The following TNRC6B variants were observed in gnomAD, a reference collection of about 807,000 sequenced individuals.
The protein encoded by TNRC6B is trinucleotide repeat containing adaptor 6B.
A neutral mutation model predicts 203.6 loss-of-function variants in TNRC6B; 52 were observed. The ratio of observed to expected loss-of-function variants is 0.26; its 90% confidence interval spans 0.20 to 0.32. The LOEUF (loss-of-function observed/expected upper bound fraction) is 0.32. Among genes scored for constraint, TNRC6B ranks in the 10% least tolerant of loss-of-function variants. The pLI is 1.00. For missense variants in TNRC6B, 1,923 were observed against 2,286.2 expected, an observed-to-expected ratio of 0.84 and a Z score of 3.24; for synonymous variants, 838 against 845.7, an observed-to-expected ratio of 0.99 and a Z score of 0.16.
In TNRC6B at chr22:40,279,874, AAATAGAAATATT is replaced by A. The variant is rs1333737989; in HGVS notation, c.3263-115_3263-104del. 1.3e-4 allele frequency: 106 copies of A among 790,006 alleles called. No individual in the cohort carries two copies. The African/African-American group carries it at 1.6e-3, about 12-fold the overall frequency. 48.9% of individuals were successfully genotyped at this position (790,006 alleles called of 1,614,324 possible). A position where few individuals can be genotyped will look rare whatever the true frequency, so the allele number is the denominator to read the frequency against. ...AGAGTTTGTCTCGTCTTATCCCCAG[AAATAGAAATATT>A]AATAGCTTATACCCAGCACCCCCAT... On this transcript the variant is annotated intron_variant, in intron 9 of 22. Transcript: ENST00000454349.
At position 40,324,742 on chromosome 22, in the gene TNRC6B, T is replaced by A. The variant is rs918451427; in HGVS notation, c.*1501T>A. 2.0e-5 allele frequency: 3 copies of A among 152,698 alleles called. No individual in the cohort carries two copies. The highest frequency in any genetic ancestry group is 4.4e-5 in the Non-Finnish European group (3 of 68,044). 9.5% of individuals were successfully genotyped at this position (152,698 alleles called of 1,614,324 possible). ...CTCTGTGTTGTGTATTTCCTGTGTATGTGGTTTTGCTTAGGCAGGTATAAC... is the reference window on the plus strand; with the variant it reads ...CTCTGTGTTGTGTATTTCCTGTGTAAGTGGTTTTGCTTAGGCAGGTATAAC... On this transcript the variant is annotated 3_prime_UTR_variant, in exon 23 of 23. Coordinates refer to ENST00000454349, the MANE Select transcript of TNRC6B (RefSeq NM_001162501.2).
At chr22:40,236,653 C>A (rs1248798676) in intron 1 of TNRC6B, among the ~76,000 whole-genome samples, 2 of 152,210 alleles carry the variant, frequency 1.3e-5, no homozygotes, top group Non-Finnish European at 2.9e-5. Flanking sequence ...AGGGAAGATG[C>A]TTCTGGGAAT....
chr22:40,261,761 T>C, intron 3 of TNRC6B, 71 bp from the exon 4 acceptor site: 1 of 1,242,542 alleles, frequency 8.0e-7, no homozygotes, highest in Non-Finnish European at 1.1e-6. Context: ...ATAATAAAAT[T>C]ATTTTTAAAA....
chr22:40,106,237 C>CTTT (rs201593383), intron 1 of TNRC6B: 7 of 157,028 alleles, frequency 4.5e-5, no homozygotes, highest in Non-Finnish European at 7.1e-5. Context: ...TCGAGGTTGT[C>CTTT]TTTTTTTTTT....
At chr22:40,190,474 C>A (rs1291622495) in intron 1 of TNRC6B, among the ~76,000 whole-genome samples, 1 of 152,172 alleles carries the variant, frequency 6.6e-6, no homozygotes, top group Non-Finnish European at 1.5e-5. Context: ...TGAAAATGGC[C>A]ATGGCAGATT....
chr22:40,125,062 A>G (rs1158003908), intron 2 of TNRC6B, among the ~76,000 whole-genome samples: 3 of 152,178 alleles, frequency 2.0e-5, no homozygotes, highest in Admixed American at 2.0e-4. Context: ...TGAATTCTTG[A>G]AAATGTTGCA....
rs117777595 is a variant in TNRC6B at position 40,228,996 on chromosome 22, T to A, written c.6-17019T>A. On this transcript the variant is annotated intron_variant, in intron 1 of 22. Transcript: ENST00000454349. ...ATTCACTAAATCTTACATTAAGACC[T>A]AAGGTGTCCTTTGAACCTAAGGTGT... Among the ~76,000 whole-genome samples, 1,058 of 152,282 alleles carry A rather than the reference T, an allele frequency of 6.9e-3. 4 individuals carry two copies. Among genetic ancestry groups the A allele is most frequent in the Non-Finnish European group, 0.011 (722 of 68,026 alleles).
chr22:40,165,957 T>C (rs2146362608), intron 4 of TNRC6B, among the ~76,000 whole-genome samples: 1 of 123,060 alleles, frequency 8.1e-6, no homozygotes, highest in South Asian at 2.3e-4. Context: ...AGTTATTGGG[T>C]GGTTTTTTTT....
intron 3 of TNRC6B, among the ~76,000 whole-genome samples, chr22:40,128,480 A>G (rs2068513218): frequency 6.6e-6 from 1 of 151,880 alleles, no homozygotes; most frequent in South Asian, 2.1e-4. Context: ...TTTTTGTTCA[A>G]TATATTTTTT....
At chr22:40,163,627 G>T (rs1273196843) in intron 4 of TNRC6B, among the ~76,000 whole-genome samples, 2 of 151,712 alleles carry the variant, frequency 1.3e-5, no homozygotes, top group Non-Finnish European at 2.9e-5. Flanking sequence ...CAGGTGTGGT[G>T]GCGCATGCCT....
In TNRC6B at chr22:40,088,584, T is replaced by TGTGTGTGTGTG. The variant is rs2068120522; in HGVS notation, c.-120-28471_-120-28470insGTGTGTGTGTG. On this transcript the variant is annotated intron_variant, in intron 1 of 23. Coordinates refer to the TNRC6B transcript ENST00000301923. ...CTGCCACCATGCCCGGCGGCTACTT[T>TGTGTGTGTGTG]TGTGTGTGTGTGTGTGTGTGTGTGT... is the stretch of plus-strand genomic sequence containing the variant. Among the ~76,000 whole-genome samples the TGTGTGTGTGTG allele has an allele frequency of 3.2e-5, 4 of 125,230 alleles. No homozygotes were observed. The East Asian group carries it at 7.1e-4, about 22-fold the overall frequency. The allele number at this position is 125,230 out of a possible 152,430, so 82.2% of individuals were successfully genotyped here. A position where few individuals can be genotyped will look rare whatever the true frequency, so the allele number is the denominator to read the frequency against.
At chr22:40,050,885 C>T (rs1053276095) in intron 1 of TNRC6B, among the ~76,000 whole-genome samples, 7 of 150,202 alleles carry the variant, frequency 4.7e-5, no homozygotes, top group Non-Finnish European at 1.0e-4. Flanking sequence ...AGTGTAGTGG[C>T]GTGATCTCGG....
chr22:40,226,824 A>G (rs1346113791), intron 1 of TNRC6B, among the ~76,000 whole-genome samples: 1 of 152,114 alleles, frequency 6.6e-6, no homozygotes, highest in African/African-American at 2.4e-5. Context: ...GTGAGAGAGG[A>G]GGGCCCAGAG....
intron 1 of TNRC6B, among the ~76,000 whole-genome samples, chr22:40,072,753 A>G (rs1218871166): frequency 6.6e-6 from 1 of 151,402 alleles, no homozygotes; most frequent in East Asian, 1.9e-4. Flanking sequence ...AATCCCAGAT[A>G]CTCAGGAGGC....
intron 1 of TNRC6B, among the ~76,000 whole-genome samples, chr22:40,205,594 A>G (rs2069468153): frequency 6.6e-6 from 1 of 152,252 alleles, no homozygotes; most frequent in South Asian, 2.1e-4. Context: ...ACAGTTAAGC[A>G]TTGAGCATTT....
At chr22:40,213,322 G>T (rs2069589564) in intron 1 of TNRC6B, among the ~76,000 whole-genome samples, 1 of 152,166 alleles carries the variant, frequency 6.6e-6, no homozygotes. Flanking sequence ...CATCAGGGAG[G>T]CTTTCCCAGA....
At chr22:40,067,210 A>G (rs1304302602) in intron 1 of TNRC6B, among the ~76,000 whole-genome samples, 1 of 152,214 alleles carries the variant, frequency 6.6e-6, no homozygotes, top group Non-Finnish European at 1.5e-5. Context: ...GTTGCATGAT[A>G]CAAAGTATGT....
intron 3 of TNRC6B, among the ~76,000 whole-genome samples, chr22:40,149,268 T>G (rs950326834): frequency 1.3e-5 from 2 of 151,952 alleles, no homozygotes; most frequent in African/African-American, 4.8e-5. Flanking sequence ...AGAAAAAGAG[T>G]ACATACTGTT....
intron 12 of TNRC6B, among the ~76,000 whole-genome samples, chr22:40,298,636 G>A (rs942593098): frequency 2.0e-5 from 3 of 152,238 alleles, no homozygotes; most frequent in Admixed American, 6.5e-5. Context: ...GGGTCAGAAA[G>A]GCTAAATGAG....
Sources: allele counts gnomAD v4.1 joint callset (sites outside exome capture counted in the v4.1 genomes callset), GRCh38; gene constraint gnomAD v4.1.1; transcripts MANE v1.5; gene names NCBI Gene and HGNC (gene_info 2026-07-23, HGNC 2026-07-21).